The following CPNE8 variants were observed in gnomAD, a reference collection of about 807,000 sequenced individuals.
The protein encoded by CPNE8 is copine 8.
CPNE8 carries 45 observed loss-of-function variants against 81.5 expected under a neutral mutation model. The ratio of observed to expected loss-of-function variants is 0.55; its 90% CI spans 0.44 to 0.71. The LOEUF (loss-of-function observed/expected upper bound fraction) is 0.71. Ranked by LOEUF, CPNE8 falls within the 30% of genes least tolerant of loss-of-function variation. CPNE8 has a pLI of 0.00. For missense variants in CPNE8, 594 were observed against 672.1 expected, an observed-to-expected ratio of 0.88 and a Z score of 1.28; for synonymous variants, 252 against 226.3, an observed-to-expected ratio of 1.11 and a Z score of -1.02.
At chr12:38,736,067 TTAAGAG>T in intron 10 of CPNE8, among the ~76,000 whole-genome samples, 1 of 151,934 alleles carries the variant, frequency 6.6e-6, no homozygotes, top group East Asian at 1.9e-4. Flanking sequence ...CTCTCATAAA[TTAAGAG>T]TTCAGCAGGA....
At chr12:38,669,169 T>C (rs2136642175) in intron 19 of CPNE8, among the ~76,000 whole-genome samples, 1 of 152,300 alleles carries the variant, frequency 6.6e-6, no homozygotes, top group East Asian at 1.9e-4. Flanking sequence ...GTGAGTGTGA[T>C]TTTTACTGTA....
At chr12:38,794,288 G>C (rs1942400843) in intron 6 of CPNE8, among the ~76,000 whole-genome samples, 1 of 152,014 alleles carries the variant, frequency 6.6e-6, no homozygotes, top group African/African-American at 2.4e-5. Flanking sequence ...GAAAATATTT[G>C]CAAATTATAA....
At chr12:38,735,856 T>C (rs1262467300) in intron 10 of CPNE8, among the ~76,000 whole-genome samples, 2 of 151,904 alleles carry the variant, frequency 1.3e-5, no homozygotes, top group African/African-American at 2.4e-5. Flanking sequence ...CTTCATAAAG[T>C]CCTGGTTCAT....
At chr12:38,906,258 TG>T, upstream of CPNE8, 11 of 984,850 alleles carry the variant, frequency 1.1e-5, no homozygotes, top group Non-Finnish European at 1.3e-5. Flanking sequence ...TTGGGGACGG[TG>T]GGGCATTGTG....
chr12:38,676,290 A>T, intron 17 of CPNE8: 1 of 984,620 alleles, frequency 1.0e-6, no homozygotes, highest in Non-Finnish European at 1.2e-6. Context: ...CTCTCTGCAC[A>T]CATTAATCCA....
At chr12:38,780,893 T>C (rs1025430525) in intron 6 of CPNE8, among the ~76,000 whole-genome samples, 1 of 151,654 alleles carries the variant, frequency 6.6e-6, no homozygotes, top group Non-Finnish European at 1.5e-5. Flanking sequence ...AGATGGGAGA[T>C]CTAAGATGAA....
chr12:38,713,946 C>A (rs1317316981), intron 13 of CPNE8, among the ~76,000 whole-genome samples: 2 of 152,090 alleles, frequency 1.3e-5, no homozygotes, highest in Non-Finnish European at 2.9e-5. Context: ...TTAGCAGGGA[C>A]TCGGTGTGCA....
chr12:38,827,918 T>G (rs1943225668), intron 6 of CPNE8, among the ~76,000 whole-genome samples: 1 of 152,164 alleles, frequency 6.6e-6, no homozygotes, highest in South Asian at 2.1e-4. Context: ...CAAAGCCCTG[T>G]GATGTGCAAT....
At chr12:38,682,892 C>G (rs1349580719) in intron 16 of CPNE8, among the ~76,000 whole-genome samples, 1 of 152,116 alleles carries the variant, frequency 6.6e-6, no homozygotes, top group Non-Finnish European at 1.5e-5. Flanking sequence ...GCTAAACCGT[C>G]TGCACTTAAA....
chr12:38,674,045 A>G (rs1264443719), intron 18 of CPNE8, among the ~76,000 whole-genome samples: 1 of 152,034 alleles, frequency 6.6e-6, no homozygotes, highest in Non-Finnish European at 1.5e-5. Flanking sequence ...TCTTGCATAT[A>G]TTTTTTTCCA....
chr12:38,795,376 TA>T (rs1365072561), intron 6 of CPNE8, among the ~76,000 whole-genome samples: 3 of 152,208 alleles, frequency 2.0e-5, no homozygotes, highest in African/African-American at 7.2e-5. Context: ...CTTCCATGTG[TA>T]TATTCAAAAT....
At position 38,902,376 on chromosome 12, in the gene CPNE8, G is replaced by GAAAGA. The variant is rs1555172165; in HGVS notation, c.98+3056_98+3060dup. On this transcript the variant is annotated intron_variant, in intron 1 of 19. Transcript: ENST00000331366. ...AGAAAGAAAGAAAGAAAGAAAGAAAGAAAGAAAAGAAAGAAAGAGAAAGAA... is the reference window on the plus strand; with the variant it reads ...AGAAAGAAAGAAAGAAAGAAAGAAAGAAAGAAAAGAAAAGAAAGAAAGAGAAAGAA... 7.1e-3 allele frequency among the ~76,000 whole-genome samples: 567 copies of GAAAGA among 80,286 alleles called. 30 individuals carry two copies. The highest frequency in any genetic ancestry group is 0.032 in the African/African-American group (473 of 14,950). The allele number at this position is 80,286 out of a possible 152,430, so 52.7% of individuals were successfully genotyped here.
At chr12:38,885,003 TTAAAG>T (rs1334204519) in intron 1 of CPNE8, among the ~76,000 whole-genome samples, 3 of 152,142 alleles carry the variant, frequency 2.0e-5, no homozygotes, top group African/African-American at 7.2e-5. Flanking sequence ...CTGAAATATT[TTAAAG>T]TAAATTACAG....
chr12:38,844,857 C>T (rs1260797246), intron 4 of CPNE8, among the ~76,000 whole-genome samples: 20 of 152,122 alleles, frequency 1.3e-4, no homozygotes, highest in African/African-American at 2.4e-5. Context: ...AATCAACAGG[C>T]ATTAAGTAAA....
At chr12:38,726,847 T>C (rs1287649239) in intron 11 of CPNE8, among the ~76,000 whole-genome samples, 2 of 152,164 alleles carry the variant, frequency 1.3e-5, no homozygotes, top group Admixed American at 6.5e-5. Flanking sequence ...TAATGCACTA[T>C]TGTCACAGAA....
chr12:38,719,512 A>C (rs1481019970), intron 13 of CPNE8, among the ~76,000 whole-genome samples: 1 of 148,716 alleles, frequency 6.7e-6, no homozygotes, highest in East Asian at 2.1e-4. Flanking sequence ...CTGAGGCATG[A>C]GGATTGCTTG....
At chr12:38,683,495 A>G (rs575607397) in intron 16 of CPNE8, among the ~76,000 whole-genome samples, 33 of 152,232 alleles carry the variant, frequency 2.2e-4, no homozygotes, top group Non-Finnish European at 4.6e-4. Flanking sequence ...CACACACACT[A>G]TAACTATGGC....
intron 10 of CPNE8, among the ~76,000 whole-genome samples, chr12:38,739,005 G>C (rs1158872004): frequency 2.6e-5 from 4 of 151,804 alleles, no homozygotes; most frequent in Non-Finnish European, 5.9e-5. Flanking sequence ...TAGAGATGGG[G>C]TTTCACCATG....
chr12:38,711,053 T>C (rs1449673326), intron 13 of CPNE8, among the ~76,000 whole-genome samples: 1 of 152,202 alleles, frequency 6.6e-6, no homozygotes, highest in Non-Finnish European at 1.5e-5. Flanking sequence ...AAATAGATGA[T>C]AAAATTTTGT....
Sources: allele counts gnomAD v4.1 joint callset (sites outside exome capture counted in the v4.1 genomes callset), GRCh38; gene constraint gnomAD v4.1.1; transcripts MANE v1.5; gene names NCBI Gene and HGNC (gene_info 2026-07-23, HGNC 2026-07-21).